MFSD12: variants seen among roughly 807,000 people sequenced by gnomAD.
MFSD12 encodes major facilitator superfamily domain containing 12.
MFSD12 carries 67 observed loss-of-function variants against 51.2 expected under a neutral mutation model. The observed-to-expected ratio is 1.31, with a 90% CI of 1.08 to 1.60. The LOEUF (loss-of-function observed/expected upper bound fraction) is 1.60. Among genes scored for constraint, MFSD12 ranks in the 40% most tolerant of loss-of-function variants. The pLI is 0.00. For synonymous variants in MFSD12, 441 were observed against 316.7 expected, an observed-to-expected ratio of 1.39 and a Z score of -4.17; for missense variants, 921 against 673.0, an observed-to-expected ratio of 1.37 and a Z score of -4.08.
At chr19:3,542,812 G>A (rs1015510997), downstream of MFSD12, 1 of 1,372,724 alleles carries the variant, frequency 7.3e-7, no homozygotes, top group Admixed American at 1.9e-5. Context: ...CCTGGGCCAT[G>A]GCTTAGTGCC....
chr19:3,543,139 C>T, downstream of MFSD12: 2 of 1,511,720 alleles, frequency 1.3e-6, no homozygotes, highest in Non-Finnish European at 1.8e-6. Context: ...CGCCGTGGGC[C>T]AGGCCTCTAC....
At chr19:3,542,329 C>G, downstream of MFSD12, 1 of 985,442 alleles carries the variant, frequency 1.0e-6, no homozygotes, top group Non-Finnish European at 1.2e-6. Context: ...GCCATGAGAG[C>G]TGGAACCGGG....
intron 1 of MFSD12, among the ~76,000 whole-genome samples, chr19:3,553,419 G>A (rs1350673808): frequency 6.6e-6 from 1 of 150,600 alleles, no homozygotes; most frequent in Admixed American, 6.6e-5. Context: ...GCTGCAGTGA[G>A]TCGTGATCGT....
chr19:3,553,384 G>A (rs1233834639), intron 1 of MFSD12, among the ~76,000 whole-genome samples: 3 of 151,352 alleles, frequency 2.0e-5, no homozygotes, highest in African/African-American at 7.3e-5. Flanking sequence ...GAGGTGGGAG[G>A]ACTGCTTGAA....
At chr19:3,546,228 C>G in intron 7 of MFSD12, 27 bp downstream of exon 7, 1 of 1,606,564 alleles carries the variant, frequency 6.2e-7, no homozygotes, top group Non-Finnish European at 8.5e-7. Context: ...CCGGCCTCCC[C>G]CACCCCAGCC....
intron 4 of MFSD12, chr19:3,539,163 G>T: frequency 6.5e-7 from 1 of 1,543,682 alleles, no homozygotes; most frequent in African/African-American, 1.4e-5. Flanking sequence ...AGGAGCCCGG[G>T]GGATCCAGGC....
At position 3,557,252 on chromosome 19, in the gene MFSD12, C is replaced by T; in HGVS notation, c.152G>A (p.Arg51His). Residue 51 changes from arginine to histidine, a missense_variant, in exon 1 of 10, where the codon CGC (arginine) becomes CAC (histidine). Coordinates refer to ENST00000355415, the MANE Select transcript of MFSD12 (RefSeq NM_174983.5). ...TYLLLYLHSV[R>H]AYSSRGAGLL... ...CCCCGCGCCGCGGGAGCTGTAGGCG[C>T]GCACCGAGTGCAGGTAGAGCAGCAG... 1.3e-6 allele frequency: 2 copies of T among 1,596,814 alleles called. No individual in the cohort carries two copies. Among genetic ancestry groups the T allele is most frequent in the Admixed American group, 3.4e-5 (2 of 58,318 alleles).
At chr19:3,552,457 C>T (rs1482062779) in intron 1 of MFSD12, among the ~76,000 whole-genome samples, 2 of 144,900 alleles carry the variant, frequency 1.4e-5, no homozygotes, top group African/African-American at 2.6e-5. Flanking sequence ...CGTGAGCCAC[C>T]GCGCCCCGCC....
rs767271306 is a variant in MFSD12 at position 3,551,122 on chromosome 19, T to A, written c.371A>T (p.Glu124Val). ...PCLGCGAATP[E>V]WAALLYYGPF... Reference sequence around the variant, plus strand: ...GCCGTAGTAGAGGAGGGCAGCCCACTCGGGCGTGGCCGCCCCACAGCCCAG... The same window carrying A: ...GCCGTAGTAGAGGAGGGCAGCCCACACGGGCGTGGCCGCCCCACAGCCCAG... The change falls in exon 2 of 10, where the codon GAG becomes GTG. Residue 124 changes from glutamate (E) to valine (V), a missense_variant. By Grantham distance (121) the Glu-to-Val change is moderately radical. Coordinates refer to ENST00000355415, the MANE Select transcript of MFSD12 (RefSeq NM_174983.5). This position sits in a 1 kb window ranked among gnomAD's most constrained non-coding sequence, Gnocchi z 4.6. The A allele has an allele frequency of 4.3e-6, 7 of 1,612,870 alleles. No individual in the cohort carries two copies. The highest frequency in any genetic ancestry group is 5.9e-6 in the Non-Finnish European group (7 of 1,179,948).
At chr19:3,543,283 G>T, downstream of MFSD12, 1 of 1,548,118 alleles carries the variant, frequency 6.5e-7, no homozygotes, top group South Asian at 1.2e-5. Flanking sequence ...CAGCCATCAG[G>T]CAGGCCACAC....
chr19:3,544,362 C>A lies in MFSD12; in HGVS notation c.*348G>T. 7.8e-7 allele frequency: 1 copy of A among 1,278,398 alleles called. No homozygotes were observed. Among genetic ancestry groups the A allele is most frequent in the East Asian group, 3.1e-5 (1 of 32,318 alleles). The allele number at this position is 1,278,398 out of a possible 1,614,324, so 79.2% of individuals were successfully genotyped here. On this transcript the variant is annotated 3_prime_UTR_variant, in exon 10 of 10. Coordinates refer to ENST00000355415, the MANE Select transcript of MFSD12 (RefSeq NM_174983.5). ...CTGGCAGTGTCTGGAGACCCCCAGG[C>A]TGGAGGTGAGGGGTGAACTGGACTG...
intron 2 of MFSD12, among the ~76,000 whole-genome samples, chr19:3,549,624 G>T (rs2031347834): frequency 6.6e-6 from 1 of 151,604 alleles, no homozygotes; most frequent in Non-Finnish European, 1.5e-5. Context: ...TCGGGAGGCT[G>T]AGGCAGGAGA....
At chr19:3,547,214 C>G (rs1323921242) in intron 6 of MFSD12, 58 bp downstream of exon 6, 6 of 1,479,304 alleles carry the variant, frequency 4.1e-6, no homozygotes, top group African/African-American at 1.4e-5. Context: ...CGGGTGGGAT[C>G]TCGGCTGCAG....
chr19:3,545,716 T>TGG (rs1294089944), intron 8 of MFSD12, among the ~76,000 whole-genome samples: 17 of 152,360 alleles, frequency 1.1e-4, no homozygotes, highest in Non-Finnish European at 1.5e-5. Flanking sequence ...TTCCAGGCCC[T>TGG]GGGCCTCTAC....
chr19:3,539,534 T>C (rs1317266646), downstream of MFSD12: 1 of 481,932 alleles, frequency 2.1e-6, no homozygotes, highest in South Asian at 3.4e-5. Context: ...GCCACAGAAA[T>C]GTTCGCCCTC....
downstream of MFSD12, chr19:3,539,509 G>A (rs778832225): frequency 1.2e-5 from 6 of 506,592 alleles, no homozygotes; most frequent in South Asian, 3.2e-5. Context: ...GACTGCAAAC[G>A]CACTGGGAGC....
At chr19:3,546,845 T>C (rs891364696) in intron 6 of MFSD12, among the ~76,000 whole-genome samples, 23 of 151,918 alleles carry the variant, frequency 1.5e-4, no homozygotes, top group African/African-American at 5.1e-4. Context: ...GGGCTTTTTT[T>C]TTCTGGAGAC....
downstream of MFSD12, among the ~76,000 whole-genome samples, chr19:3,540,285 TCTCA>T (rs1191457363): frequency 1.4e-5 from 2 of 147,746 alleles, no homozygotes; most frequent in Non-Finnish European, 1.5e-5. Context: ...TTGGACGGAG[TCTCA>T]CTCTTGTCGC....
chr19:3,540,425 T>C (rs1460822159), downstream of MFSD12, among the ~76,000 whole-genome samples: 1 of 151,566 alleles, frequency 6.6e-6, no homozygotes, highest in Non-Finnish European at 1.5e-5. Context: ...GCCCAGCTAA[T>C]TTTTGTATTT....
Sources: gnomAD v4.1 joint callset for allele counts (sites outside exome capture counted in the v4.1 genomes callset) on GRCh38, gnomAD v4.1.1 for gene constraint, Gnocchi (gnomAD v3.1) non-coding constraint, MANE v1.5 for transcripts, NCBI Gene and HGNC (gene_info 2026-07-23, HGNC 2026-07-21) for gene names.